The following SMOX variants were observed in gnomAD, a reference collection of about 807,000 sequenced individuals.
The protein encoded by SMOX is spermine oxidase, also known as flavin containing amine oxidase.
Under a neutral mutation model 51.0 loss-of-function variants are expected in SMOX, and 22 were observed. That is an observed-to-expected ratio of 0.43 (90% confidence interval 0.31 to 0.62). The LOEUF (loss-of-function observed/expected upper bound fraction) is 0.62, where lower values mean the gene tolerates loss of function less well. Ranked by LOEUF, SMOX falls within the 20% of genes least tolerant of loss-of-function variation. SMOX has a pLI of 0.10. For missense variants in SMOX, 566 were observed against 777.7 expected, an observed-to-expected ratio of 0.73 and a Z score of 3.24; for synonymous variants, 282 against 307.8, an observed-to-expected ratio of 0.92 and a Z score of 0.88.
chr20:4,173,450 A>C (rs1978579375), intron 1 of SMOX, among the ~76,000 whole-genome samples: 1 of 152,240 alleles, frequency 6.6e-6, no homozygotes, highest in East Asian at 1.9e-4. Context: ...TGCTAGGTAC[A>C]GCACCGCATA....
At chr20:4,155,924 C>G (rs988158354) in intron 1 of SMOX, among the ~76,000 whole-genome samples, 2 of 152,100 alleles carry the variant, frequency 1.3e-5, no homozygotes, top group African/African-American at 4.8e-5. Flanking sequence ...GTCTGAGCTC[C>G]CCAGATATCC....
chr20:4,159,898 T>A (rs1470239786), intron 1 of SMOX, among the ~76,000 whole-genome samples: 1 of 152,184 alleles, frequency 6.6e-6, no homozygotes, highest in Non-Finnish European at 1.5e-5. Flanking sequence ...TGGAAAGTGC[T>A]TTATTGGTTA....
intron 1 of SMOX, among the ~76,000 whole-genome samples, chr20:4,152,499 C>T (rs1418216738): frequency 6.6e-6 from 1 of 151,658 alleles, no homozygotes; most frequent in African/African-American, 2.4e-5. Context: ...GGGAGGGGAG[C>T]TGACCCCTGG....
At chr20:4,161,130 TAGG>T (rs1600801882) in intron 1 of SMOX, among the ~76,000 whole-genome samples, 3 of 152,100 alleles carry the variant, frequency 2.0e-5, no homozygotes, top group East Asian at 3.9e-4. Flanking sequence ...CTGGCAGGGA[TAGG>T]GGAGAAGCCC....
rs1252587405 is a variant in SMOX, at chr20:4,181,077, CT to C, written c.436-722del. On this transcript the variant is annotated intron_variant, in intron 3 of 6. Coordinates refer to ENST00000305958, the MANE Select transcript of SMOX (RefSeq NM_175839.3). The surrounding 1 kb of genome is among the most constrained non-coding windows in gnomAD (Gnocchi z 5.6). ...GAGGGTCGGGCGGGCAGTCAGACCC[CT>C]TTTCAAGTGACTGATCGTCGTTATC... 6.6e-6 allele frequency among the ~76,000 whole-genome samples: 1 copy of C among 152,154 alleles called. No individual in the cohort carries two copies. The highest frequency in any genetic ancestry group is 6.5e-5 in the Admixed American group (1 of 15,274).
At position 4,179,921 on chromosome 20, in the gene SMOX, G is replaced by A. The variant is rs138146025; in HGVS notation, c.436-1882G>A. ...GTCGAATAACCCAGGAGAGGAGACT[G>A]TGCCATGTGATACACCCATGTTCGG... On this transcript the variant is annotated intron_variant, in intron 3 of 6. Coordinates refer to ENST00000305958, the MANE Select transcript of SMOX (RefSeq NM_175839.3). 3.3e-5 allele frequency among the ~76,000 whole-genome samples: 5 copies of A among 152,340 alleles called. No individual in the cohort carries two copies. The East Asian group carries it at 9.6e-4, about 29-fold the overall frequency.
At chr20:4,178,878 T>C (rs2122557877) in intron 3 of SMOX, among the ~76,000 whole-genome samples, 1 of 152,266 alleles carries the variant, frequency 6.6e-6, no homozygotes, top group East Asian at 1.9e-4. Context: ...AAATGGGGTT[T>C]TACCACGTTG....
chr20:4,158,495 T>C (rs1255067503), intron 1 of SMOX, among the ~76,000 whole-genome samples: 1 of 152,160 alleles, frequency 6.6e-6, no homozygotes, highest in Admixed American at 6.5e-5. Flanking sequence ...CAGATTCCCT[T>C]CTTCTCCACC....
At chr20:4,155,060 C>T (rs535742104) in intron 1 of SMOX, among the ~76,000 whole-genome samples, 127 of 152,124 alleles carry the variant, frequency 8.3e-4, no homozygotes, top group African/African-American at 2.5e-3. Flanking sequence ...GACTGTATCC[C>T]GGGGCAGGGT....
chr20:4,183,351 C>G lies in SMOX; in HGVS notation c.1370-143C>G. 1.6e-6 allele frequency: 2 copies of G among 1,263,332 alleles called. No homozygotes were observed. Among genetic ancestry groups the G allele is most frequent in the South Asian group, 1.2e-5 (1 of 81,802 alleles). The allele number at this position is 1,263,332 out of a possible 1,614,324, so 78.3% of individuals were successfully genotyped here. A position where few individuals can be genotyped will look rare whatever the true frequency, so the allele number is the denominator to read the frequency against. On this transcript the variant is annotated intron_variant, in intron 5 of 6. Transcript: ENST00000305958. The surrounding 1 kb of genome is among the most constrained non-coding windows in gnomAD (Gnocchi z 4.3). ...TCGAGCCCCAGCCTCCCTCCTTCCT[C>G]TTCTATCCTCCGTGCCTACCCCTGG...
At chr20:4,164,939 A>G (rs746809141) in intron 1 of SMOX, among the ~76,000 whole-genome samples, 7 of 151,476 alleles carry the variant, frequency 4.6e-5, no homozygotes, top group Non-Finnish European at 8.8e-5. Context: ...GTACAGTGGC[A>G]TGATCATGGC....
chr20:4,162,816 A>G (rs1986395816), intron 1 of SMOX, among the ~76,000 whole-genome samples: 1 of 152,228 alleles, frequency 6.6e-6, no homozygotes, highest in Non-Finnish European at 1.5e-5. Flanking sequence ...GCTAGACCCC[A>G]TTCCTGCTTC....
rs555963375 is a variant in SMOX, at chr20:4,186,769, T to G, written c.1531-501T>G. The G allele has an allele frequency of 1.0e-5, 8 of 781,076 alleles. No homozygotes were observed. In the South Asian group the frequency reaches 1.1e-4, roughly 10 times the overall value. The allele number at this position is 781,076 out of a possible 1,614,324, so 48.4% of individuals were successfully genotyped here. A position where few individuals can be genotyped will look rare whatever the true frequency, so the allele number is the denominator to read the frequency against. On this transcript the variant is annotated intron_variant, in intron 6 of 6. Coordinates refer to ENST00000305958, the MANE Select transcript of SMOX (RefSeq NM_175839.3). ...ATGGAAGCTCCACAAAGCAGCAGCC[T>G]GGTCACCTTTTCTCTTCCAAGTGCC...
intron 1 of SMOX, among the ~76,000 whole-genome samples, chr20:4,165,049 G>T (rs1053301370): frequency 2.6e-4 from 23 of 87,320 alleles, no homozygotes; most frequent in South Asian, 4.2e-4. Context: ...TAGCTAAGTT[G>T]TTTTTTTTTT....
chr20:4,168,610 G>C (rs1349386118), intron 1 of SMOX, among the ~76,000 whole-genome samples: 1 of 151,014 alleles, frequency 6.6e-6, no homozygotes, highest in Admixed American at 6.6e-5. Context: ...AGGCTGGAGT[G>C]CAGTGGCGCG....
chr20:4,186,343 C>T (rs1454748247), intron 6 of SMOX, among the ~76,000 whole-genome samples: 2 of 152,126 alleles, frequency 1.3e-5, no homozygotes, highest in Non-Finnish European at 2.9e-5. Context: ...TTATCAGGAT[C>T]CACAGCTGGT....
chr20:4,174,869 G>A (rs1978701961), intron 1 of SMOX, among the ~76,000 whole-genome samples, 161 bp from the exon 2 acceptor site: 1 of 113,986 alleles, frequency 8.8e-6, no homozygotes, highest in Admixed American at 9.2e-5. Flanking sequence ...CCCCTTTGGA[G>A]GTGGCTCTTC....
chr20:4,160,730 G>A (rs1052856463), intron 1 of SMOX, among the ~76,000 whole-genome samples: 2 of 152,240 alleles, frequency 1.3e-5, no homozygotes, highest in African/African-American at 4.8e-5. Context: ...CACCATAAGA[G>A]AGGTATTTGT....
At chr20:4,158,120 T>C (rs1411700691) in intron 1 of SMOX, among the ~76,000 whole-genome samples, 1 of 150,652 alleles carries the variant, frequency 6.6e-6, no homozygotes, top group Non-Finnish European at 1.5e-5. Context: ...CAGGATGGTC[T>C]CGATCTCCTG....
Sources: gnomAD v4.1 joint callset for allele counts (sites outside exome capture counted in the v4.1 genomes callset) on GRCh38, gnomAD v4.1.1 for gene constraint, Gnocchi (gnomAD v3.1) non-coding constraint, MANE v1.5 for transcripts, NCBI Gene and HGNC (gene_info 2026-07-23, HGNC 2026-07-21) for gene names.